EYS: variants seen among roughly 807,000 people sequenced by gnomAD.
The protein encoded by EYS is protein eyes shut homolog.
In EYS, 250 loss-of-function variants were observed where a neutral mutation model predicts 282.1. The observed-to-expected ratio is 0.89, with a 90% CI of 0.80 to 0.98. EYS has a LOEUF of 0.98. Among genes scored for constraint, EYS ranks in the 50% least tolerant of loss-of-function variants. The probability of loss-of-function intolerance (pLI) is 0.00; values close to 1 mark genes in which losing one functional copy is unlikely to be tolerated. For synonymous variants in EYS, 1,355 were observed against 1,282.9 expected, an observed-to-expected ratio of 1.06 and a Z score of -1.20; for missense variants, 4,016 against 3,709.0, an observed-to-expected ratio of 1.08 and a Z score of -2.15.
intron 31 of EYS, among the ~76,000 whole-genome samples, chr6:64,180,456 G>C (rs1485092505): frequency 2.6e-5 from 4 of 152,054 alleles, no homozygotes; most frequent in Admixed American, 6.6e-5. Context: ...TAGGCTTGTG[G>C]ATGTGCAGGT....
rs1562081515 is a variant in EYS at position 64,593,268 on chromosome 6, T to C, written c.3726A>G (p.Arg1242=). The C allele has an allele frequency of 1.3e-6, 2 of 1,550,598 alleles. No homozygotes were observed. Among genetic ancestry groups the C allele is most frequent in the Non-Finnish European group, 1.7e-6 (2 of 1,146,382 alleles). ...IGLLCGDEIR[R]ITCLTPIFQR... ...GAAAGATGGGAGTTAAACAGGTAAT[T>C]CTCCTTATTTCATCACCACAAAGAA... The change falls in exon 25 of 43, where the codon AGA becomes AGG. Residue 1242 remains arginine, a synonymous_variant. Coordinates refer to ENST00000503581, the MANE Select transcript of EYS (RefSeq NM_001142800.2).
At chr6:64,440,565 T>A (rs1290634983) in intron 26 of EYS, among the ~76,000 whole-genome samples, 1 of 152,128 alleles carries the variant, frequency 6.6e-6, no homozygotes, top group African/African-American at 2.4e-5. Context: ...AATTTTGACA[T>A]TCTAATTTTT....
intron 28 of EYS, among the ~76,000 whole-genome samples, chr6:64,392,158 C>T (rs1042543935): frequency 1.2e-4 from 17 of 136,360 alleles, no homozygotes; most frequent in African/African-American, 4.5e-4. Context: ...GAGACTTAGA[C>T]TCCCACACAT....
intron 31 of EYS, among the ~76,000 whole-genome samples, chr6:64,221,512 T>C (rs926204775): frequency 1.3e-5 from 2 of 152,118 alleles, no homozygotes; most frequent in Non-Finnish European, 2.9e-5. Flanking sequence ...AAATTTCTGT[T>C]TATTATAAAT....
At chr6:63,821,144 T>C (rs1273566986) in intron 36 of EYS, 2 of 151,884 alleles carry the variant, frequency 1.3e-5, no homozygotes, top group Admixed American at 6.5e-5. Flanking sequence ...ATAGAAGTCT[T>C]GCACCTTTCT....
intron 12 of EYS, among the ~76,000 whole-genome samples, chr6:65,197,104 AG>A (rs1765786418): frequency 6.6e-6 from 1 of 152,122 alleles, no homozygotes; most frequent in Admixed American, 6.6e-5. Context: ...ATGCAGTTGT[AG>A]GCACTGTTAG....
chr6:64,310,078 A>AAAAAAAAAAAAAC (rs1554142131), intron 29 of EYS, among the ~76,000 whole-genome samples: 7 of 145,224 alleles, frequency 4.8e-5, no homozygotes, highest in African/African-American at 1.6e-4. Context: ...ATAAAAAAAA[A>AAAAAAAAAAAAAC]AATAACAGAT....
chr6:65,647,044 C>A (rs1767476527), intron 1 of EYS, among the ~76,000 whole-genome samples: 1 of 152,160 alleles, frequency 6.6e-6, no homozygotes, highest in African/African-American at 2.4e-5. Context: ...ACATTCCATG[C>A]TCATCTCATG....
intron 2 of EYS, among the ~76,000 whole-genome samples, chr6:65,542,350 A>C (rs578231184): frequency 6.6e-6 from 1 of 152,280 alleles, no homozygotes; most frequent in East Asian, 1.9e-4. Flanking sequence ...TTAAATTTGT[A>C]TTTGAGTGAA....
At chr6:64,236,407 T>A (rs1766608037) in intron 30 of EYS, among the ~76,000 whole-genome samples, 2 of 152,218 alleles carry the variant, frequency 1.3e-5, no homozygotes, top group African/African-American at 4.8e-5. Flanking sequence ...GATTTTTGTC[T>A]GGATGTATGT....
chr6:65,465,295 T>A (rs1399787290), intron 5 of EYS, among the ~76,000 whole-genome samples: 1 of 151,806 alleles, frequency 6.6e-6, no homozygotes, highest in Non-Finnish European at 1.5e-5. Context: ...CTGAGCAACA[T>A]AATGGTACCT....
intron 11 of EYS, among the ~76,000 whole-genome samples, chr6:65,316,664 T>C (rs988947447): frequency 1.3e-5 from 2 of 151,832 alleles, no homozygotes; most frequent in African/African-American, 4.8e-5. Context: ...CAGTGTGTGA[T>C]GTTCCCCTCC....
intron 8 of EYS, among the ~76,000 whole-genome samples, chr6:65,374,885 G>C (rs1312964297): frequency 6.6e-6 from 1 of 152,162 alleles, no homozygotes; most frequent in Non-Finnish European, 1.5e-5. Flanking sequence ...GCCCCAGTCA[G>C]GGGATTATAA....
At chr6:63,848,962 T>A (rs948599371) in intron 36 of EYS, among the ~76,000 whole-genome samples, 5 of 152,164 alleles carry the variant, frequency 3.3e-5, no homozygotes, top group African/African-American at 1.2e-4. Context: ...AGCACAGCAG[T>A]CTGAAGTCAA....
At chr6:65,297,189 A>G (rs1032043081) in intron 11 of EYS, among the ~76,000 whole-genome samples, 2 of 151,690 alleles carry the variant, frequency 1.3e-5, no homozygotes, top group African/African-American at 4.8e-5. Flanking sequence ...ATAATTGAAA[A>G]AGAAAGCAAA....
chr6:64,097,766 G>A (rs1772681557), intron 31 of EYS, among the ~76,000 whole-genome samples: 1 of 152,134 alleles, frequency 6.6e-6, no homozygotes, highest in African/African-American at 2.4e-5. Flanking sequence ...CATGATCATT[G>A]TATTGTTTCC....
In EYS at chr6:64,880,961, C is replaced by CT. The variant is rs1766899142; in HGVS notation, c.2992+5735dup. On this transcript the variant is annotated intron_variant, in intron 19 of 42. Coordinates refer to ENST00000503581, the MANE Select transcript of EYS (RefSeq NM_001142800.2). Reference sequence around the variant, plus strand: ...GAATAAATTTTTTTTTTGATCATAGCTTTCTGTCAGAACTTTGAGAGTTAA... The same window carrying CT: ...GAATAAATTTTTTTTTTGATCATAGCTTTTCTGTCAGAACTTTGAGAGTTAA... Among the ~76,000 whole-genome samples, 3 of 150,552 alleles carry CT rather than the reference C, an allele frequency of 2.0e-5. No homozygotes were observed. The South Asian group carries it at 6.3e-4, about 31-fold the overall frequency.
At chr6:64,523,567 A>G (rs1777824673) in intron 26 of EYS, among the ~76,000 whole-genome samples, 1 of 151,820 alleles carries the variant, frequency 6.6e-6, no homozygotes, top group Non-Finnish European at 1.5e-5. Flanking sequence ...CCATGTGGTA[A>G]AAGTTTTCTG....
At chr6:65,354,541 C>T (rs534086060) in intron 8 of EYS, among the ~76,000 whole-genome samples, 89 of 152,078 alleles carry the variant, frequency 5.9e-4, no homozygotes, top group African/African-American at 2.1e-3. Context: ...ATTGGCGAGG[C>T]GTGGTGCCTC....
Sources: gnomAD v4.1 joint callset for allele counts (sites outside exome capture counted in the v4.1 genomes callset) on GRCh38, gnomAD v4.1.1 for gene constraint, MANE v1.5 for transcripts, NCBI Gene and HGNC (gene_info 2026-07-23, HGNC 2026-07-21) for gene names.